Variants in ADAMTSL1 observed in about 807,000 individuals in gnomAD.
The protein encoded by ADAMTSL1 is ADAMTS-like protein 1.
Under a neutral mutation model 201.8 loss-of-function variants are expected in ADAMTSL1, and 126 were observed. That is an observed-to-expected ratio of 0.62 (90% confidence interval 0.54 to 0.72). The LOEUF (loss-of-function observed/expected upper bound fraction) is 0.72. Among genes scored for constraint, ADAMTSL1 ranks in the 30% least tolerant of loss-of-function variants. ADAMTSL1 has a pLI of 0.00. For missense variants in ADAMTSL1, 2,679 were observed against 2,277.8 expected (o/e 1.18, Z -3.59); for synonymous variants, 1,121 against 903.4 (o/e 1.24, Z -4.32).
intron 16 of ADAMTSL1, among the ~76,000 whole-genome samples, chr9:18,760,960 T>C (rs1458846069): frequency 6.6e-6 from 1 of 152,188 alleles, no homozygotes; most frequent in Non-Finnish European, 1.5e-5. Flanking sequence ...GTATAGTAAG[T>C]TTTTCTCCCT....
At chr9:18,640,918 A>G (rs185143135) in intron 7 of ADAMTSL1, among the ~76,000 whole-genome samples, 1 of 152,050 alleles carries the variant, frequency 6.6e-6, no homozygotes, top group Admixed American at 6.6e-5. Flanking sequence ...TGCGTTTCCT[A>G]AAATCCCTTT....
chr9:18,721,239 G>T (rs1252026297), intron 14 of ADAMTSL1, among the ~76,000 whole-genome samples: 2 of 152,154 alleles, frequency 1.3e-5, no homozygotes, highest in Non-Finnish European at 2.9e-5. Context: ...GGTGGCATTA[G>T]CCTCGTGGCA....
At chr9:18,271,542 A>G (rs1439214782) in intron 2 of ADAMTSL1, among the ~76,000 whole-genome samples, 1 of 152,172 alleles carries the variant, frequency 6.6e-6, no homozygotes, top group Non-Finnish European at 1.5e-5. Context: ...TCCATGGTGT[A>G]TATGTGCCAC....
At chr9:18,182,055 G>T (rs541939806) in intron 2 of ADAMTSL1, among the ~76,000 whole-genome samples, 1 of 150,236 alleles carries the variant, frequency 6.7e-6, no homozygotes, top group South Asian at 2.1e-4. Context: ...ACCAAACACC[G>T]CATATTCTCA....
intron 2 of ADAMTSL1, among the ~76,000 whole-genome samples, chr9:18,388,825 C>A (rs954610119): frequency 6.6e-6 from 1 of 151,780 alleles, no homozygotes; most frequent in Admixed American, 6.6e-5. Context: ...AGTGCCCTCT[C>A]GGCTCACTGC....
chr9:18,693,702 T>A (rs1174357098), intron 13 of ADAMTSL1, among the ~76,000 whole-genome samples: 1 of 152,186 alleles, frequency 6.6e-6, no homozygotes, highest in Non-Finnish European at 1.5e-5. Context: ...CTTTGAAAAA[T>A]TATTTATTGA....
chr9:17,979,561 G>T (rs1755272), intron 1 of ADAMTSL1, among the ~76,000 whole-genome samples: 80,126 of 150,322 alleles, frequency 0.53, 23,025 homozygotes, highest in East Asian at 0.92. Flanking sequence ...TCTGCTTAAC[G>T]TCATGTTTTT....
intron 2 of ADAMTSL1, among the ~76,000 whole-genome samples, chr9:18,384,757 G>A (rs190574774): frequency 2.1e-4 from 32 of 152,034 alleles, no homozygotes; most frequent in Admixed American, 5.9e-4. Context: ...TCCTCCACTC[G>A]TCACTACAGA....
Position 18,168,591 on chromosome 9 carries a change from T to A in ADAMTSL1, c.207+4610T>A, listed in dbSNP as rs1827743814. Among the ~76,000 whole-genome samples, 2 of 151,402 alleles carry A rather than the reference T, an allele frequency of 1.3e-5. 1 individual carries two copies. Among genetic ancestry groups the A allele is most frequent in the Non-Finnish European group, 3.0e-5 (2 of 67,782 alleles). Reference sequence around the variant, plus strand: ...AATAATGCCGCACTAAACATACGTGTGCCTGTGTCTTTATAGCAGCATGAT... The same window carrying A: ...AATAATGCCGCACTAAACATACGTGAGCCTGTGTCTTTATAGCAGCATGAT... On this transcript the variant is annotated intron_variant, in intron 2 of 29. Transcript: ENST00000680146.
chr9:18,334,103 A>G (rs1835136198), intron 2 of ADAMTSL1, among the ~76,000 whole-genome samples: 1 of 152,174 alleles, frequency 6.6e-6, no homozygotes, highest in Non-Finnish European at 1.5e-5. Context: ...GTAGCTTTCA[A>G]ATCATAGTAA....
At chr9:18,663,738 A>G (rs10115096) in intron 9 of ADAMTSL1, among the ~76,000 whole-genome samples, 52,891 of 151,802 alleles carry the variant, frequency 0.35, 9,264 homozygotes, top group Middle Eastern at 0.48. Context: ...AATGTCAATC[A>G]AGAGATGGCC....
chr9:18,031,398 C>T (rs1250113543), intron 1 of ADAMTSL1, among the ~76,000 whole-genome samples: 1 of 151,998 alleles, frequency 6.6e-6, no homozygotes, highest in African/African-American at 2.4e-5. Context: ...TTTCTGGCTG[C>T]TTTCAGAGTG....
At chr9:18,152,567 A>ACC in intron 1 of ADAMTSL1, among the ~76,000 whole-genome samples, 1 of 151,782 alleles carries the variant, frequency 6.6e-6, no homozygotes, top group East Asian at 2.0e-4. Flanking sequence ...GCCCAGGAGG[A>ACC]CCCCCCAAAT....
At chr9:18,281,292 T>TC (rs1563855276) in intron 2 of ADAMTSL1, among the ~76,000 whole-genome samples, 4 of 152,102 alleles carry the variant, frequency 2.6e-5, no homozygotes, top group African/African-American at 9.7e-5. Flanking sequence ...TATATATATT[T>TC]ACACTCACCA....
intron 1 of ADAMTSL1, among the ~76,000 whole-genome samples, chr9:18,043,211 G>C (rs1005165753): frequency 6.6e-6 from 1 of 152,096 alleles, no homozygotes; most frequent in African/African-American, 2.4e-5. Flanking sequence ...AGGGAGATCT[G>C]TGTGTGTTTT....
At chr9:18,435,207 CTTATA>C (rs1481370396) in intron 2 of ADAMTSL1, among the ~76,000 whole-genome samples, 4 of 152,236 alleles carry the variant, frequency 2.6e-5, no homozygotes, top group Non-Finnish European at 5.9e-5. Context: ...TGTACAAGGA[CTTATA>C]TTAGATACTT....
chr9:18,511,815 A>G (rs917541586), intron 2 of ADAMTSL1, among the ~76,000 whole-genome samples: 9 of 152,346 alleles, frequency 5.9e-5, no homozygotes, highest in South Asian at 4.1e-4. Context: ...AAAATTTTCA[A>G]TGGTAAGATT....
chr9:18,478,609 C>G (rs1388599300), intron 1 of ADAMTSL1, among the ~76,000 whole-genome samples: 2 of 152,162 alleles, frequency 1.3e-5, no homozygotes, highest in African/African-American at 4.8e-5. Context: ...ATGACACGCT[C>G]TCAGGTCCAG....
chr9:18,260,298 T>C (rs1232537200), intron 2 of ADAMTSL1, among the ~76,000 whole-genome samples: 1 of 152,208 alleles, frequency 6.6e-6, no homozygotes, highest in African/African-American at 2.4e-5. Flanking sequence ...ACCAAATCAT[T>C]TGGCAGTCTT....
Sources: allele counts gnomAD v4.1 joint callset (sites outside exome capture counted in the v4.1 genomes callset), GRCh38; gene constraint gnomAD v4.1.1; transcripts MANE v1.5; gene names NCBI Gene and HGNC (gene_info 2026-07-23, HGNC 2026-07-21).